DCLK2: variants seen among roughly 807,000 people sequenced by gnomAD.
DCLK2 encodes serine/threonine-protein kinase DCLK2.
A neutral mutation model predicts 78.4 loss-of-function variants in DCLK2; 31 were observed. That is an observed-to-expected ratio of 0.40 (90% CI 0.30 to 0.53). The LOEUF is 0.53. DCLK2 is among the 20% of genes least tolerant of loss of function. The pLI is 0.61. For synonymous variants in DCLK2, 407 were observed against 374.9 expected (o/e 1.09, Z -0.99); for missense variants, 872 against 973.7 (o/e 0.90, Z 1.39).
At chr4:150,201,671 G>A (rs961672883) in intron 4 of DCLK2, among the ~76,000 whole-genome samples, 3 of 152,110 alleles carry the variant, frequency 2.0e-5, no homozygotes, top group Non-Finnish European at 4.4e-5. Flanking sequence ...TTCTCCTTCA[G>A]TCCCTTTCCT....
intron 11 of DCLK2, 129 bp from the exon 12 acceptor site, chr4:150,240,270 T>C (rs1742816673): frequency 1.3e-6 from 1 of 785,608 alleles, no homozygotes; most frequent in African/African-American, 1.7e-5. Flanking sequence ...TTCATCTCTA[T>C]GTGAAATGAA....
intron 2 of DCLK2, among the ~76,000 whole-genome samples, chr4:150,117,289 T>C (rs918014216): frequency 6.6e-6 from 1 of 152,144 alleles, no homozygotes; most frequent in Non-Finnish European, 1.5e-5. Context: ...AGGTCTCTCG[T>C]AGGCAGTGTT....
chr4:150,121,089 A>G (rs1326917792), intron 2 of DCLK2, among the ~76,000 whole-genome samples: 1 of 152,008 alleles, frequency 6.6e-6, no homozygotes, highest in African/African-American at 2.4e-5. Flanking sequence ...AATACTGACA[A>G]TCATCTGAGC....
At chr4:150,092,280 G>A (rs1730137422) in intron 1 of DCLK2, among the ~76,000 whole-genome samples, 1 of 152,124 alleles carries the variant, frequency 6.6e-6, no homozygotes. Context: ...CAGAGTGCCA[G>A]TATCTTTTTG....
intron 1 of DCLK2, among the ~76,000 whole-genome samples, chr4:150,088,455 TTTTTC>T (rs1729802476): frequency 6.6e-6 from 1 of 152,118 alleles, no homozygotes; most frequent in East Asian, 1.9e-4. Context: ...CCTTCAGATT[TTTTTC>T]TTTTTTCTTT....
chr4:150,102,773 A>C lies in DCLK2; in HGVS notation c.717A>C (p.Ser239=), dbSNP rs555251126. The part of the protein sequence containing the change: ...TDITEAIKLD[S]GVVKRLCTLD... ...TCACCGAAGCCATTAAACTAGACTC[A>C]GGAGTCGTCAAGAGGCTCTGCACCC... The change falls in exon 2 of 16, where the codon TCA becomes TCC. Residue 239 remains serine (S), a synonymous_variant. Coordinates refer to ENST00000296550, the MANE Select transcript of DCLK2 (RefSeq NM_001040260.4). The C allele has an allele frequency of 9.3e-6, 15 of 1,613,612 alleles. No individual in the cohort carries two copies. The East Asian group carries it at 3.1e-4, about 34-fold the overall frequency.
chr4:150,172,808 C>A (rs1165837122), intron 2 of DCLK2, among the ~76,000 whole-genome samples: 1 of 141,758 alleles, frequency 7.1e-6, no homozygotes, highest in African/African-American at 2.6e-5. Flanking sequence ...CCTGGCAGTA[C>A]AAAAAATTTT....
intron 2 of DCLK2, among the ~76,000 whole-genome samples, chr4:150,153,432 G>A (rs1276765141): frequency 6.6e-6 from 1 of 151,762 alleles, no homozygotes; most frequent in Non-Finnish European, 1.5e-5. Context: ...TGGAGGTAGG[G>A]GACAGGGTCT....
At chr4:150,235,351 A>C (rs1250549348) in intron 10 of DCLK2, among the ~76,000 whole-genome samples, 2 of 152,000 alleles carry the variant, frequency 1.3e-5, no homozygotes, top group Non-Finnish European at 2.9e-5. Context: ...TCTTCAGGAG[A>C]ATTGGCTAAA....
chr4:150,239,894 C>G lies in DCLK2; in HGVS notation c.1700+19C>G, dbSNP rs756778713. 1 of 1,596,396 alleles carries G rather than the reference C, an allele frequency of 6.3e-7. No homozygotes were observed. The highest frequency in any genetic ancestry group is 8.5e-7 in the Non-Finnish European group (1 of 1,173,142). On this transcript the variant is annotated intron_variant, in intron 11 of 15. Coordinates refer to ENST00000296550, the MANE Select transcript of DCLK2 (RefSeq NM_001040260.4). ...AAACTGGGTAAGACTTCTGGTGGCC[C>G]TGGTTAGTACTTTAACTTTGATGAG...
chr4:150,136,580 G>A (rs1007659153), intron 2 of DCLK2, among the ~76,000 whole-genome samples: 1 of 152,212 alleles, frequency 6.6e-6, no homozygotes, highest in African/African-American at 2.4e-5. Flanking sequence ...TGAGCAAGTA[G>A]CAAGTGCTTA....
rs1368020827 is a variant in DCLK2, at chr4:150,256,338, C to G, written c.*91C>G. 1.4e-6 allele frequency: 2 copies of G among 1,428,198 alleles called. No individual in the cohort carries two copies. Among genetic ancestry groups the G allele is most frequent in the Non-Finnish European group, 1.8e-6 (2 of 1,092,188 alleles). 88.5% of individuals were successfully genotyped at this position (1,428,198 alleles called of 1,614,324 possible). On this transcript the variant is annotated 3_prime_UTR_variant, in exon 16 of 16. Coordinates refer to ENST00000296550, the MANE Select transcript of DCLK2 (RefSeq NM_001040260.4). ...CGGCCTCCCTGCTGCAGGCCTCCCT[C>G]TCTTCACCGCCTGCGCCTGAGTTCG...
At chr4:150,180,195 T>C (rs1335502713) in intron 2 of DCLK2, among the ~76,000 whole-genome samples, 4 of 152,136 alleles carry the variant, frequency 2.6e-5, no homozygotes. Flanking sequence ...AAATCTCAGC[T>C]CCTCCCTTAC....
At chr4:150,147,284 C>A (rs573386160) in intron 2 of DCLK2, among the ~76,000 whole-genome samples, 2 of 152,044 alleles carry the variant, frequency 1.3e-5, no homozygotes, top group Non-Finnish European at 2.9e-5. Context: ...GGCAACAGAG[C>A]AAGACCCTGT....
chr4:150,181,090 A>T (rs960964458), intron 2 of DCLK2, among the ~76,000 whole-genome samples: 1 of 152,150 alleles, frequency 6.6e-6, no homozygotes, highest in African/African-American at 2.4e-5. Context: ...TCCACTCTTG[A>T]TTGGACCTAA....
rs1277272257 is a variant in DCLK2 at position 150,139,005 on chromosome 4, AG to A, written c.756+36195del. ...GAGTTTTTAAATTTAAAAAAAAAAA[AG>A]GTTTTCCCTGTAAGAAAGAAAATAA... On this transcript the variant is annotated intron_variant, in intron 2 of 15. Transcript: ENST00000296550. 2.0e-5 allele frequency among the ~76,000 whole-genome samples: 3 copies of A among 147,520 alleles called. No individual in the cohort carries two copies. In the East Asian group the frequency reaches 6.1e-4, roughly 30 times the overall value.
At chr4:150,120,003 A>C (rs1732403231) in intron 2 of DCLK2, among the ~76,000 whole-genome samples, 2 of 152,108 alleles carry the variant, frequency 1.3e-5, no homozygotes, top group South Asian at 4.1e-4. Context: ...AATTTGTTTT[A>C]TTGTTTTTGT....
chr4:150,126,524 T>C (rs1330386100), intron 2 of DCLK2, among the ~76,000 whole-genome samples: 1 of 152,186 alleles, frequency 6.6e-6, no homozygotes, highest in Non-Finnish European at 1.5e-5. Flanking sequence ...GAGTAATAGG[T>C]TTTAATTTGG....
At chr4:150,108,900 G>A (rs1731458924) in intron 2 of DCLK2, among the ~76,000 whole-genome samples, 1 of 152,160 alleles carries the variant, frequency 6.6e-6, no homozygotes. Context: ...TGATGCTTTA[G>A]GGGTAAAACA....
Sources: gnomAD v4.1 joint callset for allele counts (sites outside exome capture counted in the v4.1 genomes callset) on GRCh38, gnomAD v4.1.1 for gene constraint, MANE v1.5 for transcripts, NCBI Gene and HGNC (gene_info 2026-07-23, HGNC 2026-07-21) for gene names.